RP1: variants seen among roughly 807,000 people sequenced by gnomAD.
The protein encoded by RP1 is oxygen-regulated protein 1.
Under a neutral mutation model 14.8 loss-of-function variants are expected in RP1, and 16 were observed. The observed-to-expected ratio is 1.08, with a 90% CI of 0.73 to 1.65. The LOEUF is 1.65. RP1 is among the 40% of genes most tolerant of loss of function. RP1 has a pLI of 0.00. For synonymous variants in RP1, 876 were observed against 883.6 expected (o/e 0.99, Z 0.15); for missense variants, 2,631 against 2,535.0 (o/e 1.04, Z -0.81).
chr8:54,851,250 G>A (rs1392594292), intron 25 of RP1, among the ~76,000 whole-genome samples: 1 of 152,106 alleles, frequency 6.6e-6, no homozygotes, highest in Non-Finnish European at 1.5e-5. Flanking sequence ...GTTGCTTTTT[G>A]TGCTGTCAAT....
At chr8:54,777,458 TA>T (rs1810072018) in intron 23 of RP1, among the ~76,000 whole-genome samples, 1 of 152,222 alleles carries the variant, frequency 6.6e-6, no homozygotes, top group Non-Finnish European at 1.5e-5. Context: ...TTTCTGGACT[TA>T]AAGTGGAGAA....
chr8:54,704,803 G>A lies in RP1; in HGVS notation c.1999-1640G>A, dbSNP rs190355599. ...TTATTTAGCTTAAGGTTGAACTTAAGGTTAATGGTTTCATAATACTCAAAT... is the reference window on the plus strand; with the variant it reads ...TTATTTAGCTTAAGGTTGAACTTAAAGTTAATGGTTTCATAATACTCAAAT... On this transcript the variant is annotated intron_variant, in intron 14 of 22. Coordinates refer to the RP1 transcript ENST00000636932. Among the ~76,000 whole-genome samples the A allele has an allele frequency of 1.7e-3, 254 of 152,142 alleles. 2 individuals carry two copies. Among genetic ancestry groups the A allele is most frequent in the Middle Eastern group, 6.8e-3 (2 of 294 alleles).
intron 15 of RP1, among the ~76,000 whole-genome samples, chr8:54,717,421 G>A (rs915657310): frequency 6.6e-6 from 1 of 152,148 alleles, no homozygotes; most frequent in Non-Finnish European, 1.5e-5. Flanking sequence ...ATCCTTACTT[G>A]AGTTAGATCT....
chr8:54,741,083 T>C (rs1216770195), intron 19 of RP1, among the ~76,000 whole-genome samples: 1 of 151,952 alleles, frequency 6.6e-6, no homozygotes, highest in Non-Finnish European at 1.5e-5. Flanking sequence ...AAAGAAAATA[T>C]TTTTGTATGA....
chr8:54,564,033 T>C (rs1303543347), intron 1 of RP1, among the ~76,000 whole-genome samples: 1 of 152,204 alleles, frequency 6.6e-6, no homozygotes, highest in South Asian at 2.1e-4. Flanking sequence ...GAGAGACCGC[T>C]GCGGAGTTGT....
chr8:54,783,620 T>A lies in RP1; in HGVS notation c.3525T>A (p.Tyr1175Ter). 1 of 1,231,718 alleles carries A rather than the reference T, an allele frequency of 8.1e-7. No homozygotes were observed. The allele number at this position is 1,231,718 out of a possible 1,614,324, so 76.3% of individuals were successfully genotyped here. A position where few individuals can be genotyped will look rare whatever the true frequency, so the allele number is the denominator to read the frequency against. Residue 1175 changes from tyrosine (Y) to a stop codon, truncating the protein, a stop_gained, in exon 24 of 29, where the codon TAT (tyrosine) becomes TAA (stop). Transcript: ENST00000637698. LOFTEE classifies it high-confidence loss of function. ...GCACCACGGCAACAGTGTTCCTTTATGTCTATGGAGAAACAAAATGTTCAG... is the reference window on the plus strand; with the variant it reads ...GCACCACGGCAACAGTGTTCCTTTAAGTCTATGGAGAAACAAAATGTTCAG...
intron 24 of RP1, among the ~76,000 whole-genome samples, chr8:54,790,211 A>C (rs540149725): frequency 3.9e-5 from 6 of 152,308 alleles, no homozygotes; most frequent in Middle Eastern, 3.4e-3. Context: ...ACCACCTTGC[A>C]GCTCCACCCA....
At chr8:54,681,117 T>C (rs1807417813) in intron 12 of RP1, among the ~76,000 whole-genome samples, 1 of 152,204 alleles carries the variant, frequency 6.6e-6, no homozygotes. Flanking sequence ...AAAGTGGCCC[T>C]TCATCCTATT....
intron 25 of RP1, among the ~76,000 whole-genome samples, chr8:54,846,462 G>T (rs1296717912): frequency 6.6e-6 from 1 of 152,180 alleles, no homozygotes; most frequent in African/African-American, 2.4e-5. Flanking sequence ...TATCTTGATT[G>T]TGGTAGTAGT....
chr8:54,827,300 A>C, intron 24 of RP1, among the ~76,000 whole-genome samples: 1 of 151,720 alleles, frequency 6.6e-6, no homozygotes, highest in South Asian at 2.1e-4. Flanking sequence ...CACATTGTAC[A>C]GCAGTACAAA....
chr8:54,599,202 T>A (rs901292913), intron 1 of RP1, among the ~76,000 whole-genome samples: 4 of 152,214 alleles, frequency 2.6e-5, no homozygotes, highest in African/African-American at 4.8e-5. Context: ...GATAACTATA[T>A]AATTATTTCC....
intron 12 of RP1, among the ~76,000 whole-genome samples, chr8:54,692,184 T>C (rs1179818867): frequency 6.6e-6 from 1 of 151,702 alleles, no homozygotes; most frequent in Non-Finnish European, 1.5e-5. Context: ...CCATGGTGTA[T>C]ATGTGCCACA....
rs1233988151 is a variant in RP1 at position 54,817,957 on chromosome 8, G to C, written c.3616-19493G>C. Among the ~76,000 whole-genome samples the C allele has an allele frequency of 2.0e-5, 3 of 152,124 alleles. No homozygotes were observed. The East Asian group carries it at 5.8e-4, about 29-fold the overall frequency. ...AACTATGAAAGCATAACTGGGAAATGTGACTGCCCCTTACAGAGCTTGTAT... is the reference window on the plus strand; with the variant it reads ...AACTATGAAAGCATAACTGGGAAATCTGACTGCCCCTTACAGAGCTTGTAT... On this transcript the variant is annotated intron_variant, in intron 24 of 28. Coordinates refer to the RP1 transcript ENST00000637698.
intron 24 of RP1, among the ~76,000 whole-genome samples, chr8:54,794,497 A>T (rs1433382037): frequency 6.6e-6 from 1 of 152,044 alleles, no homozygotes; most frequent in Non-Finnish European, 1.5e-5. Context: ...GGGAAATATT[A>T]CCTTTTTCAA....
intron 1 of RP1, among the ~76,000 whole-genome samples, chr8:54,581,695 A>C (rs1162607545): frequency 6.6e-6 from 1 of 152,150 alleles, no homozygotes; most frequent in Non-Finnish European, 1.5e-5. Context: ...AATGATTGCC[A>C]TTCTAACTGG....
intron 1 of RP1, among the ~76,000 whole-genome samples, chr8:54,581,129 A>G (rs1384018584): frequency 6.6e-6 from 1 of 151,986 alleles, no homozygotes; most frequent in Non-Finnish European, 1.5e-5. Context: ...AGCATTAGGT[A>G]TATCTCCTAA....
At chr8:54,835,600 T>A (rs1225624675) in intron 24 of RP1, among the ~76,000 whole-genome samples, 1 of 151,786 alleles carries the variant, frequency 6.6e-6, no homozygotes. Flanking sequence ...TTCTGACTCA[T>A]AAAAAAAATA....
rs1271459296 is a variant in RP1, at chr8:54,624,881, T to C, written c.999T>C (p.Val333=). The C allele has an allele frequency of 1.9e-6, 3 of 1,613,762 alleles. No homozygotes were observed. The highest frequency in any genetic ancestry group is 2.5e-6 in the Non-Finnish European group (3 of 1,179,976). Residue 333 remains valine, a synonymous_variant, in exon 4 of 4, where the codon GTT becomes GTC. Transcript: ENST00000220676. ...IIFNQDGTMT[V]EMKVRFRIKE... ...TTAATCAAGACGGCACTATGACAGT[T>C]GAGATGAAAGTTCGATTCAGAATAA...
chr8:54,745,216 A>G (rs1809193999), intron 19 of RP1, among the ~76,000 whole-genome samples: 1 of 152,206 alleles, frequency 6.6e-6, no homozygotes, highest in Non-Finnish European at 1.5e-5. Flanking sequence ...TAATTGTCCC[A>G]GTGAAAATGG....
Sources: gnomAD v4.1 joint callset for allele counts (sites outside exome capture counted in the v4.1 genomes callset) on GRCh38, gnomAD v4.1.1 for gene constraint, MANE v1.5 for transcripts, NCBI Gene and HGNC (gene_info 2026-07-23, HGNC 2026-07-21) for gene names.